MYCBP2: variants seen among roughly 807,000 people sequenced by gnomAD.
MYCBP2 encodes the protein E3 ubiquitin-protein ligase MYCBP2.
MYCBP2 carries 120 observed loss-of-function variants against 525.3 expected under a neutral mutation model. That is an observed-to-expected ratio of 0.23 (90% confidence interval 0.20 to 0.27). The LOEUF is 0.27. Among genes scored for constraint, MYCBP2 ranks in the 10% least tolerant of loss-of-function variants. The pLI is 1.00. For synonymous variants in MYCBP2, 1,894 were observed against 1,955.8 expected (o/e 0.97, Z 0.83); for missense variants, 4,149 against 5,657.1 (o/e 0.73, Z 8.55).
At chr13:77,106,149 C>A (rs1420834320) in intron 55 of MYCBP2, among the ~76,000 whole-genome samples, 1 of 152,128 alleles carries the variant, frequency 6.6e-6, no homozygotes, top group Non-Finnish European at 1.5e-5. Flanking sequence ...CTGTCAACAC[C>A]TGGTGGCAGT....
intron 37 of MYCBP2, 34 bp from the exon 38 acceptor site, chr13:77,171,668 A>G (rs2059153875): frequency 1.9e-6 from 3 of 1,603,514 alleles, no homozygotes; most frequent in Non-Finnish European, 2.6e-6. Flanking sequence ...TTATTTTACA[A>G]TGGTAAGTAA....
rs1240653855 is a variant in MYCBP2, at chr13:77,067,565, A to T, written c.12455+16T>A. 6.2e-7 allele frequency: 1 copy of T among 1,612,538 alleles called. No homozygotes were observed. The highest frequency in any genetic ancestry group is 8.5e-7 in the Non-Finnish European group (1 of 1,178,838). ...CTCTATTCTGTTTTGGTACTAAAAT[A>T]GAGGCAATAACTAACCTGGAATTGA... On this transcript the variant is annotated intron_variant, in intron 71 of 82. Transcript: ENST00000544440.
intron 8 of MYCBP2, among the ~76,000 whole-genome samples, chr13:77,267,415 AAATTAAATT>A (rs2074263070): frequency 1.3e-5 from 2 of 148,680 alleles, no homozygotes; most frequent in African/African-American, 5.0e-5. Context: ...AAATAAAATT[AAATTAAATT>A]AAATAAAATT....
At chr13:77,282,476 T>C (rs1355052377) in intron 3 of MYCBP2, among the ~76,000 whole-genome samples, 6 of 152,180 alleles carry the variant, frequency 3.9e-5, no homozygotes, top group Non-Finnish European at 7.4e-5. Context: ...CTAACAAATT[T>C]ATCTATGACT....
intron 52 of MYCBP2, among the ~76,000 whole-genome samples, chr13:77,137,570 T>C (rs556910552): frequency 5.9e-5 from 9 of 152,026 alleles, no homozygotes; most frequent in Non-Finnish European, 8.8e-5. Context: ...CTGGGCAACA[T>C]AGTGAGACCC....
Position 77,095,593 on chromosome 13 carries a change from A to G in MYCBP2, c.9964T>C (p.Ser3322Pro). ...QAAAREKVKQ[S>P]RRKPMQVKTP... The stretch of plus-strand genomic sequence containing the variant: ...TTGACTTGCATTGGTTTTCTCCTAG[A>G]TTGTTTGACCTGGCGAAGAAAAAAA... The change falls in exon 58 of 83, where the codon TCT becomes CCT. Residue 3322 changes from serine (S) to proline (P), a missense_variant. By Grantham distance (74) the Ser-to-Pro change is moderately conservative. Transcript: ENST00000544440. 6.2e-7 allele frequency: 1 copy of G among 1,612,338 alleles called. No individual in the cohort carries two copies. The highest frequency in any genetic ancestry group is 1.7e-5 in the Admixed American group (1 of 59,848).
At chr13:77,121,744 A>G (rs373822012) in intron 54 of MYCBP2, among the ~76,000 whole-genome samples, 1 of 152,204 alleles carries the variant, frequency 6.6e-6, no homozygotes, top group East Asian at 1.9e-4. Flanking sequence ...AAGCCAATTT[A>G]CTTTTATTGT....
chr13:77,205,977 C>A (rs1351285649), intron 24 of MYCBP2, among the ~76,000 whole-genome samples: 1 of 151,890 alleles, frequency 6.6e-6, no homozygotes, highest in East Asian at 1.9e-4. Context: ...TGGATGTCTA[C>A]AATAGAAACC....
intron 21 of MYCBP2, among the ~76,000 whole-genome samples, chr13:77,217,374 T>C (rs1190173161): frequency 1.3e-5 from 2 of 152,068 alleles, no homozygotes; most frequent in Non-Finnish European, 2.9e-5. Flanking sequence ...CACAAGCGCC[T>C]ATGTAACAGA....
chr13:77,325,301 T>C (rs566432392), intron 1 of MYCBP2, among the ~76,000 whole-genome samples: 1 of 152,328 alleles, frequency 6.6e-6, no homozygotes, highest in South Asian at 2.1e-4. Context: ...GTAAACTCTT[T>C]AACTCATTTT....
chr13:77,284,815 A>G (rs968138288), intron 3 of MYCBP2, among the ~76,000 whole-genome samples: 1 of 152,190 alleles, frequency 6.6e-6, no homozygotes, highest in African/African-American at 2.4e-5. Flanking sequence ...ATTCATTTAA[A>G]TTGTCACTAC....
rs769395044 is a variant in MYCBP2 at position 77,206,736 on chromosome 13, C to T, written c.3506G>A (p.Cys1169Tyr). 1.2e-6 allele frequency: 2 copies of T among 1,613,226 alleles called. No individual in the cohort carries two copies. Among genetic ancestry groups the T allele is most frequent in the Non-Finnish European group, 1.7e-6 (2 of 1,179,460 alleles). Reference protein sequence around the residue: ...LPSAADMQSRCSILSPELALP... With the variant: ...LPSAADMQSRYSILSPELALP... ...GGCAAGTTCAGGACTTAGGATACTA[C>T]ATCTGGACTGCATGTCTGCTGCAGA... The change falls in exon 24 of 83, where the codon TGT becomes TAT. Residue 1169 changes from cysteine to tyrosine, a missense_variant. Physicochemically the swap from Cys to Tyr is radical, Grantham distance 194 (BLOSUM62 -2). Transcript: ENST00000544440.
At chr13:77,259,300 A>G (rs1458003830) in intron 13 of MYCBP2, among the ~76,000 whole-genome samples, 1 of 151,932 alleles carries the variant, frequency 6.6e-6, no homozygotes. Flanking sequence ...ATCTCAGTCT[A>G]TGTCCATAAC....
chr13:77,119,352 T>C (rs1413649118), intron 55 of MYCBP2, among the ~76,000 whole-genome samples: 1 of 152,180 alleles, frequency 6.6e-6, no homozygotes, highest in Admixed American at 6.5e-5. Context: ...AGTATCTTTC[T>C]AGTCATATTT....
intron 1 of MYCBP2, among the ~76,000 whole-genome samples, chr13:77,315,305 C>T (rs960365612): frequency 1.3e-5 from 2 of 151,710 alleles, no homozygotes; most frequent in Non-Finnish European, 2.9e-5. Context: ...CTTTATGAGA[C>T]GAGGATAACT....
intron 17 of MYCBP2, among the ~76,000 whole-genome samples, chr13:77,237,170 T>C (rs1483936183): frequency 5.3e-5 from 8 of 152,184 alleles, no homozygotes; most frequent in African/African-American, 1.2e-4. Context: ...ATAATGGTTA[T>C]ATAAACTATG....
At position 77,171,511 on chromosome 13, in the gene MYCBP2, G is replaced by A. The variant is rs1171656735; in HGVS notation, c.5775C>T (p.His1925=). The change falls in exon 38 of 83, where the codon CAC becomes CAT. Residue 1925 remains histidine, a synonymous_variant. Coordinates refer to ENST00000544440, the MANE Select transcript of MYCBP2 (RefSeq NM_015057.5). ...TVVRASKDLL[H]RALAVDADDI... is the part of the protein sequence containing the mutation. Reference sequence around the variant, plus strand: ...TATTACCATCCACAGCAAGAGCTCTGTGCAGGAGGTCCTTAGAGGCTCGAA... The same window carrying A: ...TATTACCATCCACAGCAAGAGCTCTATGCAGGAGGTCCTTAGAGGCTCGAA... The A allele has an allele frequency of 6.2e-7, 1 of 1,614,056 alleles. No individual in the cohort carries two copies. Among genetic ancestry groups the A allele is most frequent in the South Asian group, 1.1e-5 (1 of 91,084 alleles).
In MYCBP2 at chr13:77,044,915, T is replaced by C; in HGVS notation, c.*463A>G. ...CCTAACACAATGTTTTTTTTTTTTT[T>C]AAATAACAGTCTAGGAAATAAACCA... On this transcript the variant is annotated 3_prime_UTR_variant, in exon 83 of 83. Coordinates refer to ENST00000544440, the MANE Select transcript of MYCBP2 (RefSeq NM_015057.5). 5.0e-6 allele frequency: 2 copies of C among 400,478 alleles called. No homozygotes were observed. The highest frequency in any genetic ancestry group is 8.8e-6 in the Non-Finnish European group (2 of 227,058). The allele number at this position is 400,478 out of a possible 1,614,324, so 24.8% of individuals were successfully genotyped here.
intron 23 of MYCBP2, 84 bp downstream of exon 23, chr13:77,211,083 T>A: frequency 9.0e-7 from 1 of 1,115,704 alleles, no homozygotes; most frequent in Non-Finnish European, 1.2e-6. Context: ...ATGTGAAAAG[T>A]CCACCTGTAA....
Sources: gnomAD v4.1 joint callset for allele counts (sites outside exome capture counted in the v4.1 genomes callset) on GRCh38, gnomAD v4.1.1 for gene constraint, MANE v1.5 for transcripts, NCBI Gene and HGNC (gene_info 2026-07-23, HGNC 2026-07-21) for gene names.